Variants in PTPRD observed in about 807,000 individuals in gnomAD.
PTPRD encodes the protein receptor-type tyrosine-protein phosphatase delta.
PTPRD carries 34 observed loss-of-function variants against 214.5 expected under a neutral mutation model. That is an observed-to-expected ratio of 0.16 (90% CI 0.12 to 0.21). The LOEUF (loss-of-function observed/expected upper bound fraction) is 0.21. Ranked by LOEUF, PTPRD falls within the 10% of genes least tolerant of loss-of-function variation. The pLI is 1.00. For missense variants in PTPRD, 2,545 were observed against 2,398.7 expected (o/e 1.06, Z -1.27); for synonymous variants, 1,128 against 845.7 (o/e 1.33, Z -5.79).
intron 2 of PTPRD, among the ~76,000 whole-genome samples, chr9:10,411,243 G>T (rs1296715435): frequency 1.3e-5 from 2 of 151,654 alleles, no homozygotes; most frequent in Non-Finnish European, 2.9e-5. Context: ...CTAATGAGAA[G>T]AAATTGTATC....
At chr9:10,339,015 C>A (rs1162152277) in intron 3 of PTPRD, among the ~76,000 whole-genome samples, 1 of 151,528 alleles carries the variant, frequency 6.6e-6, no homozygotes, top group South Asian at 2.1e-4. Context: ...GTAAATTGTT[C>A]AGAGTTCAGC....
chr9:10,159,223 G>A (rs1444871157), intron 3 of PTPRD, among the ~76,000 whole-genome samples: 1 of 151,800 alleles, frequency 6.6e-6, no homozygotes, highest in Non-Finnish European at 1.5e-5. Flanking sequence ...AAAATACAAA[G>A]AAAGAAAGAA....
intron 9 of PTPRD, among the ~76,000 whole-genome samples, chr9:9,312,255 G>C (rs905587945): frequency 1.3e-5 from 2 of 152,152 alleles, no homozygotes; most frequent in Non-Finnish European, 2.9e-5. Context: ...AATAGAGGTA[G>C]AATATTGAAG....
At chr9:9,092,555 T>A (rs904123291) in intron 10 of PTPRD, among the ~76,000 whole-genome samples, 6 of 152,040 alleles carry the variant, frequency 3.9e-5, no homozygotes, top group African/African-American at 1.2e-4. Context: ...TATTCACTTA[T>A]AACATATGAA....
rs371074709 is a variant in PTPRD, at chr9:10,256,844, C to T, written c.-545+84119G>A. ...TGTTTCCCCTGCAAGGAATTCTAGCCCTATCCCACCCACTTCTTATAAATA... is the reference window on the plus strand; with the variant it reads ...TGTTTCCCCTGCAAGGAATTCTAGCTCTATCCCACCCACTTCTTATAAATA... On this transcript the variant is annotated intron_variant, in intron 3 of 45. Coordinates refer to ENST00000381196, the MANE Select transcript of PTPRD (RefSeq NM_002839.4). 5.6e-4 allele frequency among the ~76,000 whole-genome samples: 86 copies of T among 152,260 alleles called. 2 individuals are homozygous for T. The South Asian group carries it at 0.015, about 26-fold the overall frequency.
At chr9:8,634,860 A>T (rs1247966991) in intron 13 of PTPRD, among the ~76,000 whole-genome samples, 1 of 151,700 alleles carries the variant, frequency 6.6e-6, no homozygotes. Context: ...CTCTTACAAC[A>T]TACAATATAC....
At chr9:9,680,130 C>G (rs531526140) in intron 7 of PTPRD, among the ~76,000 whole-genome samples, 8 of 151,972 alleles carry the variant, frequency 5.3e-5, no homozygotes, top group African/African-American at 1.4e-4. Flanking sequence ...CTCCTAATAG[C>G]TTCTCAACCT....
intron 8 of PTPRD, among the ~76,000 whole-genome samples, chr9:9,574,349 T>A (rs2087642454): frequency 6.6e-6 from 1 of 151,972 alleles, no homozygotes; most frequent in Admixed American, 6.6e-5. Flanking sequence ...GACCCAATTT[T>A]GATACATCTT....
intron 3 of PTPRD, among the ~76,000 whole-genome samples, chr9:10,130,853 A>G (rs2098865871): frequency 1.3e-5 from 2 of 152,152 alleles, no homozygotes; most frequent in South Asian, 4.1e-4. Flanking sequence ...TGGAAATTGA[A>G]GTGACCTGGG....
At chr9:8,331,859 A>C in intron 43 of PTPRD, 123 bp from the exon 44 acceptor site, 2 of 1,171,090 alleles carry the variant, frequency 1.7e-6, no homozygotes, top group Non-Finnish European at 1.2e-6. Context: ...AAAAGTTAGG[A>C]ACATGTTTAA....
At chr9:8,553,071 C>T (rs1475061453) in intron 14 of PTPRD, among the ~76,000 whole-genome samples, 1 of 152,128 alleles carries the variant, frequency 6.6e-6, no homozygotes, top group Non-Finnish European at 1.5e-5. Context: ...AGCTGAACCA[C>T]AGAATATGAA....
At chr9:8,789,564 T>C (rs1015634382) in intron 11 of PTPRD, among the ~76,000 whole-genome samples, 1 of 152,184 alleles carries the variant, frequency 6.6e-6, no homozygotes, top group African/African-American at 2.4e-5. Flanking sequence ...TTTAGCTAGT[T>C]CAAGTTTAAA....
intron 9 of PTPRD, among the ~76,000 whole-genome samples, chr9:9,271,292 A>C (rs948413575): frequency 6.6e-6 from 1 of 151,228 alleles, no homozygotes; most frequent in Non-Finnish European, 1.5e-5. Context: ...ATCTTAAAAA[A>C]AAAAAACATC....
In PTPRD at chr9:8,690,801, T is replaced by G. The variant is rs375551502; in HGVS notation, c.64+42979A>C. ...AAACTCTTTTAGCAACTTAAAAATA[T>G]ACAGGACATTACTTAATTTCAATTT... On this transcript the variant is annotated intron_variant, in intron 12 of 45. Transcript: ENST00000381196. 6.0e-4 allele frequency among the ~76,000 whole-genome samples: 92 copies of G among 152,294 alleles called. 1 individual carries two copies. The highest frequency in any genetic ancestry group is 2.1e-3 in the African/African-American group (89 of 41,562).
At chr9:9,323,221 GA>G (rs146191718) in intron 9 of PTPRD, among the ~76,000 whole-genome samples, 2,600 of 151,662 alleles carry the variant, frequency 0.017, 75 homozygotes, top group African/African-American at 0.061. Context: ...ATCACGATGA[GA>G]AAAAATCATT....
intron 11 of PTPRD, among the ~76,000 whole-genome samples, chr9:8,865,124 T>C (rs1329798010): frequency 6.7e-6 from 1 of 149,884 alleles, no homozygotes; most frequent in South Asian, 2.1e-4. Context: ...TGTTCTGTTA[T>C]CACTTTTTAA....
intron 11 of PTPRD, among the ~76,000 whole-genome samples, chr9:8,901,707 T>C (rs2098670292): frequency 6.6e-6 from 1 of 152,282 alleles, no homozygotes; most frequent in South Asian, 2.1e-4. Flanking sequence ...AATCAGAAAA[T>C]AAATTACTTG....
At chr9:8,473,395 C>T (rs990253283) in intron 30 of PTPRD, among the ~76,000 whole-genome samples, 3 of 152,030 alleles carry the variant, frequency 2.0e-5, no homozygotes, top group Non-Finnish European at 2.9e-5. Flanking sequence ...AAGGATTTAC[C>T]GAACAAGTCC....
chr9:10,466,389 T>A (rs2098993461), intron 2 of PTPRD, among the ~76,000 whole-genome samples: 1 of 152,030 alleles, frequency 6.6e-6, no homozygotes, highest in Non-Finnish European at 1.5e-5. Flanking sequence ...TTTGGGAGGC[T>A]GAGGCGGGAG....
Sources: gnomAD v4.1 joint callset for allele counts (sites outside exome capture counted in the v4.1 genomes callset) on GRCh38, gnomAD v4.1.1 for gene constraint, MANE v1.5 for transcripts, NCBI Gene and HGNC (gene_info 2026-07-23, HGNC 2026-07-21) for gene names.